BRINP3: variants seen among roughly 807,000 people sequenced by gnomAD.
BRINP3 encodes BMP/retinoic acid-inducible neural-specific protein 3.
BRINP3 carries 19 observed loss-of-function variants against 71.0 expected under a neutral mutation model. The observed-to-expected ratio is 0.27, with a 90% confidence interval of 0.19 to 0.39. The LOEUF is 0.39. Ranked by LOEUF, BRINP3 falls within the 10% of genes least tolerant of loss-of-function variation. The pLI is 1.00. For missense variants in BRINP3, 959 were observed against 940.8 expected, an observed-to-expected ratio of 1.02 and a Z score of -0.25; for synonymous variants, 380 against 337.7, an observed-to-expected ratio of 1.13 and a Z score of -1.37.
At position 190,279,158 on chromosome 1, in the gene BRINP3, G is replaced by T. The variant is rs565230801; in HGVS notation, c.427+2402C>A. Among the ~76,000 whole-genome samples, 5 of 151,836 alleles carry T rather than the reference G, an allele frequency of 3.3e-5. No homozygotes were observed. In the East Asian group the frequency reaches 9.7e-4, roughly 29 times the overall value. ...ATCACTGAACTTTTTCAGAGGAGGA[G>T]TTATAGAAATAACTCAAATTTTACC... is the stretch of plus-strand genomic sequence containing the variant. On this transcript the variant is annotated intron_variant, in intron 3 of 7. Coordinates refer to ENST00000367462, the MANE Select transcript of BRINP3 (RefSeq NM_199051.3).
At chr1:190,443,434 G>T (rs1210526195) in intron 2 of BRINP3, among the ~76,000 whole-genome samples, 2 of 150,934 alleles carry the variant, frequency 1.3e-5, no homozygotes, top group East Asian at 3.9e-4. Context: ...GAAAAGAAAA[G>T]AAAATATTCA....
intron 2 of BRINP3, among the ~76,000 whole-genome samples, chr1:190,338,895 G>GTT (rs1382239188): frequency 6.6e-6 from 1 of 151,822 alleles, no homozygotes; most frequent in African/African-American, 2.4e-5. Flanking sequence ...CTTGTTGTCA[G>GTT]TAAAAGGGAA....
intron 2 of BRINP3, among the ~76,000 whole-genome samples, chr1:190,420,996 T>C (rs1673341172): frequency 6.6e-6 from 1 of 151,726 alleles, no homozygotes; most frequent in Non-Finnish European, 1.5e-5. Context: ...CTTTAGCAAA[T>C]ATAAGAATTG....
intron 3 of BRINP3, among the ~76,000 whole-genome samples, chr1:190,273,431 G>C (rs1662285108): frequency 6.6e-6 from 1 of 151,464 alleles, no homozygotes; most frequent in Admixed American, 6.6e-5. Context: ...AATGACTGTG[G>C]ATATAAAAAG....
intron 7 of BRINP3, among the ~76,000 whole-genome samples, chr1:190,108,238 C>T (rs963223813): frequency 3.9e-5 from 6 of 151,940 alleles, no homozygotes; most frequent in African/African-American, 1.5e-4. Context: ...AAATTCTGAA[C>T]TCAGAATCAT....
chr1:190,241,911 A>G (rs1659135897), intron 4 of BRINP3, among the ~76,000 whole-genome samples: 1 of 151,658 alleles, frequency 6.6e-6, no homozygotes, highest in Non-Finnish European at 1.5e-5. Flanking sequence ...TCAACTGAAG[A>G]TAGTGCCTTA....
chr1:190,136,853 T>TA (rs1413407404), intron 7 of BRINP3, among the ~76,000 whole-genome samples: 1 of 152,060 alleles, frequency 6.6e-6, no homozygotes, highest in African/African-American at 2.4e-5. Context: ...ATTGAGCACT[T>TA]ACTACATAAC....
intron 2 of BRINP3, among the ~76,000 whole-genome samples, chr1:190,304,731 G>A (rs1465304587): frequency 1.3e-5 from 2 of 151,796 alleles, no homozygotes; most frequent in African/African-American, 4.8e-5. Flanking sequence ...AACCTCAAAA[G>A]CACAGACAAT....
intron 7 of BRINP3, among the ~76,000 whole-genome samples, chr1:190,107,419 G>C (rs1419612898): frequency 6.6e-6 from 1 of 151,710 alleles, no homozygotes; most frequent in Non-Finnish European, 1.5e-5. Context: ...TTTTTCCTCT[G>C]CTTAGCCAGT....
intron 7 of BRINP3, among the ~76,000 whole-genome samples, chr1:190,114,039 G>A (rs542071534): frequency 6.6e-5 from 10 of 152,230 alleles, no homozygotes; most frequent in African/African-American, 2.2e-4. Context: ...CAAATCTCAT[G>A]TTGAAATGTT....
At chr1:190,312,133 T>C (rs1008575566) in intron 2 of BRINP3, among the ~76,000 whole-genome samples, 107 of 147,558 alleles carry the variant, frequency 7.3e-4, no homozygotes, top group African/African-American at 2.6e-3. Flanking sequence ...TATATTTATA[T>C]TGAAGTAACT....
chr1:190,429,932 T>C (rs1673983844), intron 2 of BRINP3, among the ~76,000 whole-genome samples: 1 of 152,142 alleles, frequency 6.6e-6, no homozygotes. Context: ...AAGGGTTATG[T>C]TACTAGTATA....
chr1:190,273,042 G>A (rs1397158012), intron 3 of BRINP3, among the ~76,000 whole-genome samples: 1 of 139,044 alleles, frequency 7.2e-6, no homozygotes, highest in East Asian at 2.1e-4. Flanking sequence ...TTTCTTTCCT[G>A]TAAGAGATCT....
chr1:190,462,504 T>C (rs1465557122), intron 1 of BRINP3, among the ~76,000 whole-genome samples: 1 of 152,116 alleles, frequency 6.6e-6, no homozygotes, highest in Non-Finnish European at 1.5e-5. Context: ...AATAGCCTGT[T>C]CCTCTCCATT....
chr1:190,138,768 T>C (rs1483985958), intron 7 of BRINP3, among the ~76,000 whole-genome samples: 5 of 152,174 alleles, frequency 3.3e-5, no homozygotes, highest in African/African-American at 1.2e-4. Context: ...AGAATGGCCA[T>C]GTCCTTCTTT....
intron 6 of BRINP3, among the ~76,000 whole-genome samples, chr1:190,192,529 T>G (rs1327835409): frequency 6.6e-6 from 1 of 152,074 alleles, no homozygotes; most frequent in East Asian, 1.9e-4. Flanking sequence ...TTTAGTTTTT[T>G]TTTTCAAGGA....
chr1:190,301,154 CATAT>C (rs1240838542), intron 2 of BRINP3, among the ~76,000 whole-genome samples: 2 of 108,662 alleles, frequency 1.8e-5, no homozygotes, highest in African/African-American at 6.8e-5. Context: ...TACACACATA[CATAT>C]ATATATACAT....
At chr1:190,132,067 T>C (rs374692102) in intron 7 of BRINP3, among the ~76,000 whole-genome samples, 1 of 152,072 alleles carries the variant, frequency 6.6e-6, no homozygotes, top group African/African-American at 2.4e-5. Context: ...CAATTTATAA[T>C]ATTCTTTAGT....
chr1:190,432,445 C>A (rs1414435452), intron 2 of BRINP3, among the ~76,000 whole-genome samples: 4 of 152,138 alleles, frequency 2.6e-5, no homozygotes, highest in Non-Finnish European at 5.9e-5. Context: ...CCATATCACA[C>A]AATACAAAAG....
Sources: allele counts gnomAD v4.1 joint callset (sites outside exome capture counted in the v4.1 genomes callset), GRCh38; gene constraint gnomAD v4.1.1; transcripts MANE v1.5; gene names NCBI Gene and HGNC (gene_info 2026-07-23, HGNC 2026-07-21).